Variants in CLTCL1 observed in about 807,000 individuals in gnomAD.
CLTCL1 encodes clathrin heavy chain 2.
A neutral mutation model predicts 190.0 loss-of-function variants in CLTCL1; 159 were observed. The ratio of observed to expected loss-of-function variants is 0.84; its 90% CI spans 0.74 to 0.95. The LOEUF (loss-of-function observed/expected upper bound fraction) is 0.95, where lower values mean the gene tolerates loss of function less well. Ranked by LOEUF, CLTCL1 falls within the 40% of genes least tolerant of loss-of-function variation. The probability of loss-of-function intolerance (pLI) is 0.00; values close to 1 mark genes in which losing one functional copy is unlikely to be tolerated. For missense variants in CLTCL1, 1,878 were observed against 2,033.4 expected (o/e 0.92, Z 1.47); for synonymous variants, 752 against 769.6 (o/e 0.98, Z 0.38).
intron 2 of CLTCL1, among the ~76,000 whole-genome samples, chr22:19,267,862 T>C (rs2087170682): frequency 6.7e-6 from 1 of 149,504 alleles, no homozygotes; most frequent in Non-Finnish European, 1.5e-5. Flanking sequence ...GCCCCTGCAC[T>C]CCAGGCTGGG....
At position 19,221,518 on chromosome 22, in the gene CLTCL1, G is replaced by A. The variant is rs1006587305; in HGVS notation, c.2655C>T (p.Asp885=). The change falls in exon 17 of 33, where the codon GAC becomes GAT. Residue 885 remains aspartate (D), a synonymous_variant. Transcript: ENST00000427926. ...GGAAGCACTCGGGGCTGTTGTTGCT[G>A]TCGATGTAGATTTTAGCCAGTGCAT... ...THNALAKIYI[D]SNNSPECFLR... 2 of 1,604,926 alleles carry A rather than the reference G, an allele frequency of 1.2e-6. No individual in the cohort carries two copies. The highest frequency in any genetic ancestry group is 1.3e-5 in the African/African-American group (1 of 74,828).
chr22:19,251,518 T>C (rs2146050877), intron 3 of CLTCL1, among the ~76,000 whole-genome samples: 1 of 152,310 alleles, frequency 6.6e-6, no homozygotes, highest in Non-Finnish European at 1.5e-5. Flanking sequence ...ACTGTGGTGG[T>C]GCTATCTCGG....
At chr22:19,230,060 A>G (rs1555958147) in intron 10 of CLTCL1, 85 bp from the exon 11 acceptor site, 4 of 1,248,152 alleles carry the variant, frequency 3.2e-6, no homozygotes, top group African/African-American at 1.6e-5. Flanking sequence ...CTGAAATATT[A>G]TCTCATTTAG....
At chr22:19,249,588 T>C (rs1196152394) in intron 3 of CLTCL1, among the ~76,000 whole-genome samples, 1 of 149,206 alleles carries the variant, frequency 6.7e-6, no homozygotes, top group Non-Finnish European at 1.5e-5. Flanking sequence ...CCCAGCTACC[T>C]GGAAGGCTGA....
At chr22:19,180,882 G>T in intron 30 of CLTCL1, 76 bp from the exon 31 acceptor site, 1 of 1,313,228 alleles carries the variant, frequency 7.6e-7, no homozygotes, top group Non-Finnish European at 1.1e-6. Flanking sequence ...TGGAGTGGAA[G>T]GTCAGGACAC....
At chr22:19,288,078 T>A (rs1471685486) in intron 1 of CLTCL1, among the ~76,000 whole-genome samples, 5 of 152,274 alleles carry the variant, frequency 3.3e-5, no homozygotes, top group African/African-American at 1.2e-4. Flanking sequence ...ACGTGAATTA[T>A]CCCTCCTCTG....
rs1002030743 is a variant in CLTCL1, at chr22:19,191,487, C to T, written c.4192-52G>A. On this transcript the variant is annotated intron_variant, in intron 26 of 32. Transcript: ENST00000427926. ...TCCCTGCCGCTGTCTCCAGATACCC[C>T]AGGGCTCCTTCCAGTTTTTGCTCAA... 11 of 1,597,744 alleles carry T rather than the reference C, an allele frequency of 6.9e-6. No individual in the cohort carries two copies. In the Admixed American group the frequency reaches 1.7e-4, roughly 25 times the overall value.
In CLTCL1 at chr22:19,231,088, G is replaced by A. The variant is rs532458852; in HGVS notation, c.1645-1113C>T. Among the ~76,000 whole-genome samples, 27 of 152,222 alleles carry A rather than the reference G, an allele frequency of 1.8e-4. 1 individual carries two copies. In the South Asian group the frequency reaches 4.4e-3, roughly 25 times the overall value. ...CCATTGGCCTCAGACTGAGAGTTACGCCTTCAGCTTCCCTGGTTCTGAGGC... is the reference window on the plus strand; with the variant it reads ...CCATTGGCCTCAGACTGAGAGTTACACCTTCAGCTTCCCTGGTTCTGAGGC... On this transcript the variant is annotated intron_variant, in intron 10 of 32. Transcript: ENST00000427926.
chr22:19,255,080 C>T (rs1185088759), intron 2 of CLTCL1, among the ~76,000 whole-genome samples: 1 of 152,104 alleles, frequency 6.6e-6, no homozygotes, highest in East Asian at 1.9e-4. Flanking sequence ...CTGAGAATAA[C>T]ATAGCTGGTG....
chr22:19,180,096 C>G (rs1555925076), intron 32 of CLTCL1, 103 bp downstream of exon 32: 1 of 1,035,428 alleles, frequency 9.7e-7, no homozygotes, highest in African/African-American at 1.6e-5. Context: ...CACCCAGACG[C>G]TGAGGCCCCA....
At chr22:19,190,596 C>CAAAAAAAAAAAAAAAAAAAAAAAAAA (rs55780206) in intron 27 of CLTCL1, among the ~76,000 whole-genome samples, 1 of 72,820 alleles carries the variant, frequency 1.4e-5, no homozygotes. Flanking sequence ...AAGACTGTCT[C>CAAAAAAAAAAAAAAAAAAAAAAAAAA]AAAAAAAAAA....
Position 19,216,138 on chromosome 22 carries a change from A to G in CLTCL1, c.3038T>C (p.Leu1013Pro), listed in dbSNP as rs576623572. 1 of 1,613,922 alleles carries G rather than the reference A, an allele frequency of 6.2e-7. No homozygotes were observed. The highest frequency in any genetic ancestry group is 2.2e-5 in the East Asian group (1 of 44,890). Residue 1013 changes from leucine (L) to proline (P), a missense_variant, in exon 19 of 33, where the codon CTG becomes CCG. Transcript: ENST00000427926. ...GTGCTCGCTGAAGACAGAGTTATCC[A>G]GAACTATCTTCTCCAGCAGTTCAAT... ...ELIELLEKIV[L>P]DNSVFSEHRN...
intron 23 of CLTCL1, 109 bp downstream of exon 23, chr22:19,201,220 C>G: frequency 7.5e-7 from 1 of 1,331,980 alleles, no homozygotes. Flanking sequence ...GTTCAGACCC[C>G]TGCCTGGGCA....
intron 1 of CLTCL1, among the ~76,000 whole-genome samples, chr22:19,282,285 C>T (rs2238761): frequency 0.17 from 25,018 of 150,768 alleles, 2,308 homozygotes; most frequent in East Asian, 0.38. Flanking sequence ...GCCAAGATCG[C>T]GCCACTGCAC....
At chr22:19,246,540 G>A (rs781550156) in intron 3 of CLTCL1, among the ~76,000 whole-genome samples, 3 of 151,580 alleles carry the variant, frequency 2.0e-5, no homozygotes, top group East Asian at 1.9e-4. Context: ...GCAATGGCGC[G>A]ATCTCGGCTC....
Position 19,221,931 on chromosome 22 carries a change from A to G in CLTCL1, c.2561+20T>C. ...CTAGAATCCAGGGGTAAGAGAAAACACCAAGTAAGGACACCTTACCTATTT... is the reference window on the plus strand; with the variant it reads ...CTAGAATCCAGGGGTAAGAGAAAACGCCAAGTAAGGACACCTTACCTATTT... On this transcript the variant is annotated intron_variant, in intron 16 of 32. Coordinates refer to ENST00000427926, the MANE Select transcript of CLTCL1 (RefSeq NM_007098.4). The G allele has an allele frequency of 6.2e-7, 1 of 1,612,968 alleles. No individual in the cohort carries two copies. Among genetic ancestry groups the G allele is most frequent in the Non-Finnish European group, 8.5e-7 (1 of 1,179,364 alleles).
At chr22:19,268,122 G>A (rs917931115) in intron 2 of CLTCL1, among the ~76,000 whole-genome samples, 2 of 152,134 alleles carry the variant, frequency 1.3e-5, no homozygotes, top group African/African-American at 4.8e-5. Context: ...CTTTTGGGAG[G>A]CAAGCCCTCA....
At chr22:19,228,750 A>G (rs1214894310) in intron 11 of CLTCL1, among the ~76,000 whole-genome samples, 3 of 152,232 alleles carry the variant, frequency 2.0e-5, no homozygotes, top group African/African-American at 4.8e-5. Flanking sequence ...ACAGCTTGAT[A>G]TAAACTCCTC....
intron 2 of CLTCL1, chr22:19,257,869 T>C: frequency 7.1e-7 from 1 of 1,402,786 alleles, no homozygotes; most frequent in South Asian, 1.1e-5. Flanking sequence ...CGGGAGCACC[T>C]GGAGAAGAAG....
Sources: gnomAD v4.1 joint callset for allele counts (sites outside exome capture counted in the v4.1 genomes callset) on GRCh38, gnomAD v4.1.1 for gene constraint, MANE v1.5 for transcripts, NCBI Gene and HGNC (gene_info 2026-07-23, HGNC 2026-07-21) for gene names.